Variants in TDP1 observed in about 807,000 individuals in gnomAD.
TDP1 encodes tyrosyl-DNA phosphodiesterase 1.
Under a neutral mutation model 81.5 loss-of-function variants are expected in TDP1, and 64 were observed. That is an observed-to-expected ratio of 0.79 (90% confidence interval 0.64 to 0.97). TDP1 has a LOEUF of 0.97. TDP1 is among the 50% of genes least tolerant of loss of function. The pLI, the probability that TDP1 is intolerant of heterozygous loss-of-function variation, is 0.00. For synonymous variants in TDP1, 256 were observed against 264.3 expected (o/e 0.97, Z 0.30); for missense variants, 723 against 743.8 (o/e 0.97, Z 0.33).
chr14:89,989,721 A>C lies in TDP1; in HGVS notation c.1322A>C (p.Tyr441Ser), dbSNP rs1268977860. The C allele has an allele frequency of 3.7e-6, 6 of 1,609,444 alleles. No individual in the cohort carries two copies. Among genetic ancestry groups the C allele is most frequent in the Non-Finnish European group, 4.3e-6 (5 of 1,175,948 alleles). Residue 441 changes from tyrosine to serine, a missense_variant, in exon 12 of 17, where the codon TAT becomes TCT. Tyr to Ser is a moderately radical substitution (Grantham distance 144). Transcript: ENST00000335725. ...TTGTTTTCCTCTTATTTTTAGATCT[A>C]TCCTTCTGTGGAAAATGTGCGGACC... ...GKSSVPLYLIYPSVENVRTSL... is the reference protein window; with the variant it reads ...GKSSVPLYLISPSVENVRTSL...
Position 89,955,972 on chromosome 14 carries a change from T to A in TDP1, c.-231+2T>A, listed in dbSNP as rs902083021. On this transcript the variant is annotated splice_donor_variant, in intron 1 of 16. Transcript: ENST00000335725. LOFTEE classifies it low-confidence loss of function (5UTR_SPLICE). ...AAGCGTTGGTTCTGTGCGCCTCAGG[T>A]ACGTGTTGGGCGGCAGTGGGCGCGG... 1.3e-5 allele frequency: 2 copies of A among 152,468 alleles called. No homozygotes were observed. Among genetic ancestry groups the A allele is most frequent in the South Asian group, 2.1e-4 (1 of 4,842 alleles). The allele number at this position is 152,468 out of a possible 1,614,324, so 9.4% of individuals were successfully genotyped here. A position where few individuals can be genotyped will look rare whatever the true frequency, so the allele number is the denominator to read the frequency against.
chr14:89,984,029 C>A, intron 8 of TDP1: 1 of 769,852 alleles, frequency 1.3e-6, no homozygotes, highest in Non-Finnish European at 1.6e-6. Context: ...TTCACATGCA[C>A]TTTTGGTATA....
chr14:89,970,369 T>C lies in TDP1; in HGVS notation c.660-806T>C, dbSNP rs1893475748. ...CCATTAGTGAAGCTGCGTCATGCTG[T>C]GGGCCTGGCCTGGGCCTGTTCTCTG... On this transcript the variant is annotated intron_variant, in intron 5 of 16. Transcript: ENST00000335725. Among the ~76,000 whole-genome samples the C allele has an allele frequency of 2.0e-5, 3 of 152,354 alleles. No individual in the cohort carries two copies. The South Asian group carries it at 6.2e-4, about 32-fold the overall frequency.
Position 90,020,940 on chromosome 14 carries a change from C to T in TDP1, c.1644+1522C>T, listed in dbSNP as rs184386930. 7.9e-5 allele frequency among the ~76,000 whole-genome samples: 12 copies of T among 151,280 alleles called. No individual in the cohort carries two copies. In the South Asian group the frequency reaches 8.4e-4, roughly 11 times the overall value. On this transcript the variant is annotated intron_variant, in intron 15 of 16. Transcript: ENST00000335725. Reference sequence around the variant, plus strand: ...CCTCCCTAGTAGATGGGACTACAGGCGCCTGCCACCACGTCCAGCTAATTT... The same window carrying T: ...CCTCCCTAGTAGATGGGACTACAGGTGCCTGCCACCACGTCCAGCTAATTT...
intron 14 of TDP1, among the ~76,000 whole-genome samples, chr14:89,998,412 A>ATG (rs1334088177): frequency 1.3e-3 from 120 of 95,810 alleles, no homozygotes; most frequent in African/African-American, 6.0e-3. Flanking sequence ...ATATATATAT[A>ATG]TATATATATA....
intron 8 of TDP1, among the ~76,000 whole-genome samples, chr14:89,982,945 T>C (rs1013935666): frequency 1.3e-5 from 2 of 152,224 alleles, no homozygotes; most frequent in Non-Finnish European, 2.9e-5. Flanking sequence ...CACCTGTTGA[T>C]TTCTCACTTT....
intron 15 of TDP1, among the ~76,000 whole-genome samples, chr14:90,032,535 A>G (rs1887401694): frequency 6.6e-6 from 1 of 152,190 alleles, no homozygotes; most frequent in South Asian, 2.1e-4. Flanking sequence ...CAGCCTAGAT[A>G]TAGAACCTCC....
chr14:89,982,113 C>T (rs564478733), intron 8 of TDP1, among the ~76,000 whole-genome samples: 2 of 152,266 alleles, frequency 1.3e-5, no homozygotes, highest in African/African-American at 2.4e-5. Context: ...CTGAGCCTTA[C>T]ATCTCTTGTT....
At chr14:90,020,513 CTCCCTCCCTCCCTCCCT>C (rs1885887795) in intron 15 of TDP1, among the ~76,000 whole-genome samples, 1 of 43,332 alleles carries the variant, frequency 2.3e-5, no homozygotes, top group Non-Finnish European at 4.0e-5. Flanking sequence ...CCTTCCGTCC[CTCCCTCCCTCCCTCCCT>C]TCCTTCCCTC....
intron 5 of TDP1, among the ~76,000 whole-genome samples, chr14:89,969,528 T>G (rs113879454): frequency 2.2e-3 from 338 of 152,354 alleles, no homozygotes; most frequent in Non-Finnish European, 3.6e-3. Flanking sequence ...ATTTAATCTT[T>G]TTAATAACAT....
chr14:89,989,841 T>TG (rs1363275179), intron 12 of TDP1, 76 bp downstream of exon 12: 13 of 1,196,118 alleles, frequency 1.1e-5, no homozygotes, highest in Admixed American at 3.4e-5. Context: ...TTACTACTAT[T>TG]GCGTAGAAAT....
rs1895965237 is a variant in TDP1, at chr14:89,989,663, C to T, written c.1318-54C>T. ...ATTTCCTTAAAAGCTGATTATCATT[C>T]CTTTTCTTCAACATGGTACATTCCG... On this transcript the variant is annotated intron_variant, in intron 11 of 16. Transcript: ENST00000335725. 3.6e-6 allele frequency: 5 copies of T among 1,377,280 alleles called. No individual in the cohort carries two copies. In the South Asian group the frequency reaches 5.9e-5, roughly 16 times the overall value. The allele number at this position is 1,377,280 out of a possible 1,614,324, so 85.3% of individuals were successfully genotyped here. A position where few individuals can be genotyped will look rare whatever the true frequency, so the allele number is the denominator to read the frequency against.
intron 14 of TDP1, among the ~76,000 whole-genome samples, chr14:90,018,369 A>G (rs2140256864): frequency 6.6e-6 from 1 of 152,260 alleles, no homozygotes; most frequent in African/African-American, 2.4e-5. Flanking sequence ...GACGCCTCAG[A>G]GCTTAGTGGT....
In TDP1 at chr14:89,966,052, CTTGA is replaced by C. The variant is rs1892904978; in HGVS notation, c.560-91_560-88del. 2.1e-5 allele frequency: 21 copies of C among 1,012,928 alleles called. No homozygotes were observed. The South Asian group carries it at 2.3e-4, about 11-fold the overall frequency. 62.7% of individuals were successfully genotyped at this position (1,012,928 alleles called of 1,614,324 possible). ...TAGCTTACTGTGTTCTGAGTCAGAT[CTTGA>C]TTGTCAGTGACTGTTGAATGAGTTA... On this transcript the variant is annotated intron_variant, in intron 3 of 16. Transcript: ENST00000335725.
At chr14:90,023,992 C>T (rs916576799) in intron 15 of TDP1, among the ~76,000 whole-genome samples, 13 of 152,178 alleles carry the variant, frequency 8.5e-5, no homozygotes, top group Non-Finnish European at 1.2e-4. Flanking sequence ...TGAACACCCC[C>T]GCAACATCAC....
rs35181388 is a variant in TDP1 at position 90,008,134 on chromosome 14, T to G, written c.1542-11182T>G. On this transcript the variant is annotated intron_variant, in intron 14 of 16. Coordinates refer to ENST00000335725, the MANE Select transcript of TDP1 (RefSeq NM_018319.4). ...TATTTCTTCACTCTAAAGAACTGAT[T>G]TTTCAACAGTTCGGTAAAATTATTG... Among the ~76,000 whole-genome samples, 303 of 152,320 alleles carry G rather than the reference T, an allele frequency of 2.0e-3. 1 individual carries two copies. Among genetic ancestry groups the G allele is most frequent in the African/African-American group, 6.9e-3 (287 of 41,568 alleles).
chr14:89,980,472 G>A lies in TDP1; in HGVS notation c.792-68G>A, dbSNP rs1894842462. 2.0e-6 allele frequency: 3 copies of A among 1,490,182 alleles called. No homozygotes were observed. The Admixed American group carries it at 5.1e-5, about 25-fold the overall frequency. 92.3% of individuals were successfully genotyped at this position (1,490,182 alleles called of 1,614,324 possible). On this transcript the variant is annotated intron_variant, in intron 7 of 16. Transcript: ENST00000335725. The stretch of plus-strand genomic sequence containing the variant: ...ATTCCTTTAGCTATGTATTACATTT[G>A]CATTGGAAAGGTATTACATATTTTG...
rs2140365439 is a variant in TDP1 at position 90,043,584 on chromosome 14, TATG to T, written c.*444_*446del. ...ATACAATAACCTAAAGGTGATTTTA[TATG>T]ATATTTTGAGTAATTTTATGCATGA... On this transcript the variant is annotated 3_prime_UTR_variant, in exon 17 of 17. Coordinates refer to ENST00000335725, the MANE Select transcript of TDP1 (RefSeq NM_018319.4). 5.4e-6 allele frequency: 1 copy of T among 184,618 alleles called. No homozygotes were observed. The highest frequency in any genetic ancestry group is 1.5e-4 in the East Asian group (1 of 6,830). 11.4% of individuals were successfully genotyped at this position (184,618 alleles called of 1,614,324 possible). A position where few individuals can be genotyped will look rare whatever the true frequency, so the allele number is the denominator to read the frequency against.
At chr14:89,995,627 A>T (rs1001459761) in intron 14 of TDP1, among the ~76,000 whole-genome samples, 1 of 152,230 alleles carries the variant, frequency 6.6e-6, no homozygotes, top group Non-Finnish European at 1.5e-5. Flanking sequence ...TTCCAAATAT[A>T]AATGGCATCT....
Sources: gnomAD v4.1 joint callset for allele counts (sites outside exome capture counted in the v4.1 genomes callset) on GRCh38, gnomAD v4.1.1 for gene constraint, MANE v1.5 for transcripts, NCBI Gene and HGNC (gene_info 2026-07-23, HGNC 2026-07-21) for gene names.